PRKCE: variants seen among roughly 807,000 people sequenced by gnomAD.
The protein encoded by PRKCE is protein kinase C epsilon type.
Under a neutral mutation model 85.4 loss-of-function variants are expected in PRKCE, and 16 were observed. The ratio of observed to expected loss-of-function variants is 0.19; its 90% CI spans 0.13 to 0.28. The LOEUF is 0.28. Ranked by LOEUF, PRKCE falls within the 10% of genes least tolerant of loss-of-function variation. PRKCE has a pLI of 1.00. For synonymous variants in PRKCE, 388 were observed against 371.5 expected (o/e 1.04, Z -0.51); for missense variants, 573 against 975.2 (o/e 0.59, Z 5.49).
intron 2 of PRKCE, among the ~76,000 whole-genome samples, chr2:45,852,861 G>A (rs989418458): frequency 3.3e-5 from 5 of 152,148 alleles, no homozygotes; most frequent in Non-Finnish European, 7.4e-5. Flanking sequence ...GAATTGCCTG[G>A]AAAACCTGTA....
chr2:45,993,425 T>C (rs980449303), intron 6 of PRKCE, among the ~76,000 whole-genome samples: 4 of 152,098 alleles, frequency 2.6e-5, no homozygotes, highest in Admixed American at 6.6e-5. Context: ...GTGATTGAGA[T>C]TTTTTTTACA....
intron 10 of PRKCE, among the ~76,000 whole-genome samples, chr2:46,024,032 A>T (rs749052172): frequency 2.6e-5 from 4 of 152,216 alleles, no homozygotes; most frequent in Admixed American, 6.5e-5. Context: ...CCTAAATTCA[A>T]ACCTGGTTAG....
Position 45,820,680 on chromosome 2 carries a change from A to C in PRKCE, c.349-22320A>C, listed in dbSNP as rs146264535. On this transcript the variant is annotated intron_variant, in intron 1 of 14. Coordinates refer to ENST00000306156, the MANE Select transcript of PRKCE (RefSeq NM_005400.3). The stretch of plus-strand genomic sequence containing the variant: ...TCCTTGAGTCTTGTTTCCCGACACA[A>C]ATGCAATTGAAGTTTTCAAACTGAA... Among the ~76,000 whole-genome samples, 151 of 152,258 alleles carry C rather than the reference A, an allele frequency of 9.9e-4. 1 individual carries two copies. The highest frequency in any genetic ancestry group is 3.4e-3 in the African/African-American group (143 of 41,532).
intron 2 of PRKCE, among the ~76,000 whole-genome samples, chr2:45,959,154 G>C (rs986118239): frequency 2.0e-5 from 3 of 151,974 alleles, no homozygotes; most frequent in Admixed American, 6.6e-5. Flanking sequence ...TGCTTCCTCA[G>C]GGCAAGAGGA....
chr2:46,103,451 A>G lies in PRKCE; in HGVS notation c.1592+17089A>G, dbSNP rs1202457566. Among the ~76,000 whole-genome samples the G allele has an allele frequency of 2.0e-5, 3 of 152,254 alleles. No homozygotes were observed. The South Asian group carries it at 6.2e-4, about 31-fold the overall frequency. On this transcript the variant is annotated intron_variant, in intron 11 of 14. Coordinates refer to ENST00000306156, the MANE Select transcript of PRKCE (RefSeq NM_005400.3). ...TTTCTTGTAGTCCCTCTCAAAGGAC[A>G]GAACAAGGAATTGTGTGTGTTCTAA...
Position 45,976,520 on chromosome 2 carries a change from C to T in PRKCE, c.504C>T (p.Asn168=), listed in dbSNP as rs772888789. 68 of 1,599,654 alleles carry T rather than the reference C, an allele frequency of 4.3e-5. 1 individual carries two copies. The South Asian group carries it at 5.5e-4, about 13-fold the overall frequency. ...TCAGGCGCAGGGTCCATCAGGTCAA[C>T]GGCCACAAGTTCATGGCCACCTATC... ...GAVRRRVHQV[N]GHKFMATYLR... is the part of the protein sequence containing the mutation. Residue 168 remains asparagine, a synonymous_variant, in exon 3 of 15, where the codon AAC becomes AAT. Transcript: ENST00000306156.
intron 13 of PRKCE, among the ~76,000 whole-genome samples, chr2:46,151,492 G>A (rs562969535): frequency 5.3e-5 from 8 of 152,286 alleles, no homozygotes; most frequent in African/African-American, 1.4e-4. Context: ...GAAGAGGAGC[G>A]CATGTCTGTG....
At chr2:46,158,700 C>A (rs1468339792) in intron 13 of PRKCE, among the ~76,000 whole-genome samples, 1 of 152,192 alleles carries the variant, frequency 6.6e-6, no homozygotes, top group Non-Finnish European at 1.5e-5. Flanking sequence ...TCAGCCTTCA[C>A]ACTATGAAAT....
intron 1 of PRKCE, among the ~76,000 whole-genome samples, chr2:45,800,733 A>C (rs1040145797): frequency 2.0e-5 from 3 of 152,200 alleles, no homozygotes; most frequent in African/African-American, 7.2e-5. Context: ...CCGCCATTAA[A>C]ATTGGAGAAG....
rs765225419 is a variant in PRKCE at position 45,786,058 on chromosome 2, G to A, written c.349-56942G>A. The stretch of plus-strand genomic sequence containing the variant: ...TCTCACAGCCCTGCTGGGTCATCGT[G>A]GGGGTGAATAGATACCTGCTTCTCT... On this transcript the variant is annotated intron_variant, in intron 1 of 14. Transcript: ENST00000306156. The surrounding 1 kb of genome is among the most constrained non-coding windows in gnomAD (Gnocchi z 5.3). 3.3e-5 allele frequency among the ~76,000 whole-genome samples: 5 copies of A among 152,102 alleles called. No individual in the cohort carries two copies. Among genetic ancestry groups the A allele is most frequent in the Non-Finnish European group, 5.9e-5 (4 of 68,020 alleles).
intron 11 of PRKCE, among the ~76,000 whole-genome samples, chr2:46,096,298 G>A (rs573624499): frequency 5.0e-4 from 76 of 152,328 alleles, no homozygotes; most frequent in African/African-American, 1.8e-3. Context: ...GAAGTGCTGA[G>A]TGCAATCTTT....
At position 45,895,962 on chromosome 2, in the gene PRKCE, G is replaced by A. The variant is rs1696106723; in HGVS notation, c.412+52899G>A. On this transcript the variant is annotated intron_variant, in intron 2 of 14. Coordinates refer to ENST00000306156, the MANE Select transcript of PRKCE (RefSeq NM_005400.3). The surrounding 1 kb of genome is among the most constrained non-coding windows in gnomAD (Gnocchi z 4.8). ...TCCACGAGGAAGGCCTCAGATGAAGGAGGGCACTTCAGGTAGAGCGTGGGC... is the reference window on the plus strand; with the variant it reads ...TCCACGAGGAAGGCCTCAGATGAAGAAGGGCACTTCAGGTAGAGCGTGGGC... Among the ~76,000 whole-genome samples the A allele has an allele frequency of 6.6e-6, 1 of 152,192 alleles. No individual in the cohort carries two copies. Among genetic ancestry groups the A allele is most frequent in the Non-Finnish European group, 1.5e-5 (1 of 68,036 alleles).
At chr2:45,754,005 T>G (rs1683799094) in intron 1 of PRKCE, among the ~76,000 whole-genome samples, 1 of 152,242 alleles carries the variant, frequency 6.6e-6, no homozygotes, top group East Asian at 1.9e-4. Flanking sequence ...TGCAGTTGAA[T>G]GAGGAGATGA....
At chr2:45,743,473 C>T (rs1251230041) in intron 1 of PRKCE, among the ~76,000 whole-genome samples, 3 of 151,994 alleles carry the variant, frequency 2.0e-5, no homozygotes, top group South Asian at 2.1e-4. Context: ...CACCCCTCAC[C>T]GAGAGAGGCC....
chr2:45,980,067 T>C (rs1574099639), intron 4 of PRKCE, among the ~76,000 whole-genome samples: 2 of 152,318 alleles, frequency 1.3e-5, no homozygotes, highest in East Asian at 1.9e-4. Flanking sequence ...TAATGTCCTT[T>C]GAATATAAAT....
chr2:46,070,367 G>A (rs956378367), intron 10 of PRKCE, among the ~76,000 whole-genome samples: 1 of 152,160 alleles, frequency 6.6e-6, no homozygotes, highest in African/African-American at 2.4e-5. Context: ...TTTATGGCTG[G>A]GCGCGGTGGC....
chr2:45,939,608 G>A (rs1327393065), intron 2 of PRKCE, among the ~76,000 whole-genome samples: 1 of 151,900 alleles, frequency 6.6e-6, no homozygotes, highest in African/African-American at 2.4e-5. Context: ...AGGCTGGAGT[G>A]CAGTGGCGCA....
intron 1 of PRKCE, among the ~76,000 whole-genome samples, chr2:45,759,668 C>A (rs548468009): frequency 1.3e-5 from 2 of 152,276 alleles, no homozygotes; most frequent in East Asian, 3.9e-4. Flanking sequence ...AGAAGTGCCT[C>A]GGTTATGATC....
chr2:45,806,580 C>T (rs4953260), intron 1 of PRKCE, among the ~76,000 whole-genome samples: 60,559 of 152,026 alleles, frequency 0.4, 15,320 homozygotes, highest in African/African-American at 0.71. Context: ...TAAACAGCAA[C>T]CCCCATTCCC....
Sources: allele counts gnomAD v4.1 joint callset (sites outside exome capture counted in the v4.1 genomes callset), GRCh38; gene constraint gnomAD v4.1.1; non-coding constraint Gnocchi (gnomAD v3.1); transcripts MANE v1.5; gene names NCBI Gene and HGNC (gene_info 2026-07-23, HGNC 2026-07-21).